Variants in XKR4 observed in about 807,000 individuals in gnomAD.
The protein encoded by XKR4 is XK-related protein 4.
In XKR4, 12 loss-of-function variants were observed where a neutral mutation model predicts 53.9. The ratio of observed to expected loss-of-function variants is 0.22; its 90% CI spans 0.14 to 0.36. The LOEUF is 0.36. Ranked by LOEUF, XKR4 falls within the 10% of genes least tolerant of loss-of-function variation. The probability of loss-of-function intolerance (pLI) is 1.00; values close to 1 mark genes in which losing one functional copy is unlikely to be tolerated. For synonymous variants in XKR4, 354 were observed against 362.4 expected, an observed-to-expected ratio of 0.98 and a Z score of 0.26; for missense variants, 799 against 859.5, an observed-to-expected ratio of 0.93 and a Z score of 0.88.
intron 2 of XKR4, among the ~76,000 whole-genome samples, chr8:55,497,103 C>T (rs1031811866): frequency 6.6e-6 from 1 of 152,224 alleles, no homozygotes; most frequent in Non-Finnish European, 1.5e-5. Flanking sequence ...AATGTCTCTT[C>T]TCTTCACTGA....
At chr8:55,395,463 T>C (rs913125284) in intron 2 of XKR4, among the ~76,000 whole-genome samples, 2 of 151,946 alleles carry the variant, frequency 1.3e-5, no homozygotes, top group Non-Finnish European at 2.9e-5. Flanking sequence ...GAGCACAGGA[T>C]GTGTACCAGG....
chr8:55,443,465 A>G (rs1231388674), intron 2 of XKR4, among the ~76,000 whole-genome samples: 1 of 149,650 alleles, frequency 6.7e-6, no homozygotes, highest in Non-Finnish European at 1.5e-5. Flanking sequence ...CTTAAGAGCA[A>G]GAGACATAGG....
intron 1 of XKR4, among the ~76,000 whole-genome samples, chr8:55,162,019 C>T (rs1315345537): frequency 2.0e-5 from 3 of 152,178 alleles, no homozygotes; most frequent in Non-Finnish European, 2.9e-5. Flanking sequence ...TTCATGATCT[C>T]ACCTTTATCT....
chr8:55,269,724 C>A (rs184352438), intron 1 of XKR4, among the ~76,000 whole-genome samples: 1 of 152,124 alleles, frequency 6.6e-6, no homozygotes, highest in East Asian at 1.9e-4. Context: ...GAATCAATTC[C>A]GCTGCCCAAA....
At chr8:55,336,728 A>T (rs1456337122) in intron 1 of XKR4, among the ~76,000 whole-genome samples, 3 of 152,062 alleles carry the variant, frequency 2.0e-5, no homozygotes, top group African/African-American at 7.2e-5. Context: ...GGCAGATTAG[A>T]GGGGGAGGGA....
At chr8:55,454,920 G>T (rs1005750527) in intron 2 of XKR4, 36 of 775,026 alleles carry the variant, frequency 4.6e-5, no homozygotes, top group Admixed American at 1.3e-4. Context: ...CAGTAGTGGC[G>T]CCCGGAGTTG....
intron 1 of XKR4, among the ~76,000 whole-genome samples, chr8:55,205,290 C>A (rs1490720359): frequency 1.3e-5 from 2 of 152,136 alleles, no homozygotes; most frequent in African/African-American, 4.8e-5. Context: ...TACTTTCTGA[C>A]ATTTTATTTT....
chr8:55,496,957 G>A (rs897718689), intron 2 of XKR4, among the ~76,000 whole-genome samples: 10 of 152,168 alleles, frequency 6.6e-5, no homozygotes, highest in African/African-American at 2.4e-4. Flanking sequence ...CTTCAGTAGT[G>A]ATCTCCACCA....
intron 1 of XKR4, among the ~76,000 whole-genome samples, chr8:55,105,441 C>A (rs1340845490): frequency 6.6e-6 from 1 of 152,114 alleles, no homozygotes; most frequent in East Asian, 1.9e-4. Context: ...TATTAACTGA[C>A]CCAGACTTGG....
At position 55,309,002 on chromosome 8, in the gene XKR4, A is replaced by G. The variant is rs148953728; in HGVS notation, c.807-48676A>G. Among the ~76,000 whole-genome samples the G allele has an allele frequency of 5.8e-4, 89 of 152,266 alleles. 2 individuals carry two copies. In the East Asian group the frequency reaches 0.016, roughly 28 times the overall value. ...GGCCTACCCTGTTTTTGCTGGTTTT[A>G]AAGAGGGAGGAAGAGGCCATAAGCC... On this transcript the variant is annotated intron_variant, in intron 1 of 2. Transcript: ENST00000327381.
intron 1 of XKR4, among the ~76,000 whole-genome samples, chr8:55,229,270 C>T (rs568765695): frequency 6.6e-6 from 1 of 152,296 alleles, no homozygotes; most frequent in Admixed American, 6.5e-5. Flanking sequence ...CACGGCACCT[C>T]AGACCAATGC....
chr8:55,400,343 C>T (rs78466353), intron 2 of XKR4, among the ~76,000 whole-genome samples: 2,131 of 152,188 alleles, frequency 0.014, 28 homozygotes, highest in African/African-American at 0.035. Context: ...CTGAGAAATG[C>T]TGAAAAATGT....
intron 1 of XKR4, among the ~76,000 whole-genome samples, chr8:55,300,759 G>T (rs1819181447): frequency 6.6e-6 from 1 of 152,136 alleles, no homozygotes; most frequent in African/African-American, 2.4e-5. Context: ...TGCAAGACAA[G>T]AGTCAGGCAG....
intron 2 of XKR4, among the ~76,000 whole-genome samples, chr8:55,377,858 T>C (rs763223042): frequency 3.3e-5 from 5 of 152,150 alleles, no homozygotes; most frequent in Non-Finnish European, 5.9e-5. Flanking sequence ...GAAACACTAA[T>C]TAGATTTTCT....
intron 2 of XKR4, among the ~76,000 whole-genome samples, chr8:55,362,339 T>A (rs772269921): frequency 2.6e-5 from 4 of 152,048 alleles, no homozygotes; most frequent in Non-Finnish European, 5.9e-5. Flanking sequence ...AGAAAGGAAG[T>A]GCAAGAAACA....
At chr8:55,206,577 G>A (rs1037980009) in intron 1 of XKR4, among the ~76,000 whole-genome samples, 7 of 151,838 alleles carry the variant, frequency 4.6e-5, no homozygotes, top group African/African-American at 1.7e-4. Flanking sequence ...CTGAGCCAGA[G>A]ATGAAAAAAA....
intron 2 of XKR4, among the ~76,000 whole-genome samples, chr8:55,414,560 G>A (rs1804818905): frequency 6.7e-6 from 1 of 149,512 alleles, no homozygotes; most frequent in Admixed American, 6.7e-5. Flanking sequence ...TCTATGTTGA[G>A]ATTATATATA....
In XKR4 at chr8:55,478,220, A is replaced by G. The variant is rs937715837; in HGVS notation, c.1007-45061A>G. Among the ~76,000 whole-genome samples the G allele has an allele frequency of 2.0e-5, 3 of 152,170 alleles. No homozygotes were observed. In the South Asian group the frequency reaches 6.2e-4, roughly 31 times the overall value. On this transcript the variant is annotated intron_variant, in intron 2 of 2. Transcript: ENST00000327381. ...GGATCTCTTGGCAGAAACTCTACAA[A>G]CCAGAAGAGAGTGGGGGCCAATATT...
At chr8:55,514,709 T>A (rs1436662807) in intron 2 of XKR4, among the ~76,000 whole-genome samples, 10 of 152,242 alleles carry the variant, frequency 6.6e-5, no homozygotes, top group East Asian at 3.9e-4. Context: ...TCTTTTTTTT[T>A]AAACGTGGGA....
Sources: allele counts gnomAD v4.1 joint callset (sites outside exome capture counted in the v4.1 genomes callset), GRCh38; gene constraint gnomAD v4.1.1; transcripts MANE v1.5; gene names NCBI Gene and HGNC (gene_info 2026-07-23, HGNC 2026-07-21).